Variants in TDRD5 observed in about 807,000 individuals in gnomAD.
The protein encoded by TDRD5 is tudor domain-containing protein 5.
Under a neutral mutation model 120.6 loss-of-function variants are expected in TDRD5, and 41 were observed. The ratio of observed to expected loss-of-function variants is 0.34; its 90% CI spans 0.26 to 0.44. TDRD5 has a LOEUF of 0.44. Among genes scored for constraint, TDRD5 ranks in the 20% least tolerant of loss-of-function variants. TDRD5 has a pLI of 1.00. For synonymous variants in TDRD5, 430 were observed against 433.7 expected (o/e 0.99, Z 0.11); for missense variants, 1,006 against 1,221.2 (o/e 0.82, Z 2.63).
chr1:179,668,995 C>T (rs1402664989), intron 16 of TDRD5, among the ~76,000 whole-genome samples, 199 bp from the exon 17 acceptor site: 3 of 151,968 alleles, frequency 2.0e-5, no homozygotes, highest in East Asian at 1.9e-4. Flanking sequence ...CCGCCCGCCT[C>T]GGCCTCCCAA....
At chr1:179,601,955 G>A (rs556845501) in intron 4 of TDRD5, among the ~76,000 whole-genome samples, 3 of 152,286 alleles carry the variant, frequency 2.0e-5, no homozygotes, top group South Asian at 2.1e-4. Flanking sequence ...ACAGGCACAC[G>A]CCATCACGCC....
At chr1:179,657,800 A>G (rs546324406) in intron 14 of TDRD5, among the ~76,000 whole-genome samples, 8 of 152,200 alleles carry the variant, frequency 5.3e-5, no homozygotes, top group Non-Finnish European at 1.0e-4. Flanking sequence ...TGTAGCATGT[A>G]TAAGTCAAGC....
chr1:179,631,117 T>C (rs1677419965), intron 7 of TDRD5, among the ~76,000 whole-genome samples, 197 bp downstream of exon 7: 1 of 152,072 alleles, frequency 6.6e-6, no homozygotes, highest in African/African-American at 2.4e-5. Context: ...TTGGGCCGGG[T>C]GCAGTGGCTC....
At chr1:179,687,100 G>C (rs555604262) in intron 17 of TDRD5, among the ~76,000 whole-genome samples, 1 of 152,046 alleles carries the variant, frequency 6.6e-6, no homozygotes, top group Non-Finnish European at 1.5e-5. Context: ...GAATGTGTTT[G>C]CTCTTGCTTC....
intron 14 of TDRD5, among the ~76,000 whole-genome samples, chr1:179,654,761 C>T (rs1678907980): frequency 6.6e-6 from 1 of 152,004 alleles, no homozygotes; most frequent in Admixed American, 6.6e-5. Flanking sequence ...GAGTGAGACT[C>T]TGTCTCAAAA....
intron 4 of TDRD5, among the ~76,000 whole-genome samples, chr1:179,603,690 A>G (rs1416873447): frequency 6.6e-6 from 1 of 152,164 alleles, no homozygotes; most frequent in African/African-American, 2.4e-5. Context: ...ATTGACTTGC[A>G]TATGTTAAAC....
intron 4 of TDRD5, among the ~76,000 whole-genome samples, chr1:179,601,112 A>C (rs941894704): frequency 8.9e-5 from 13 of 145,312 alleles, no homozygotes; most frequent in Admixed American, 8.6e-4. Flanking sequence ...ATGTCAATTA[A>C]GTCAGTTATG....
chr1:179,675,481 G>T (rs563154688), intron 17 of TDRD5, among the ~76,000 whole-genome samples: 13 of 150,230 alleles, frequency 8.7e-5, no homozygotes, highest in African/African-American at 2.9e-4. Flanking sequence ...GGGTTTCACC[G>T]TGTTAGCCAG....
chr1:179,650,288 C>T (rs1678639248), intron 11 of TDRD5, among the ~76,000 whole-genome samples: 1 of 151,420 alleles, frequency 6.6e-6, no homozygotes, highest in African/African-American at 2.4e-5. Context: ...GTAATCCCAG[C>T]TACTCAGGAG....
rs117033987 is a variant in TDRD5 at position 179,676,531 on chromosome 1, C to T, written c.2860+7127C>T. Among the ~76,000 whole-genome samples, 5 of 152,178 alleles carry T rather than the reference C, an allele frequency of 3.3e-5. No individual in the cohort carries two copies. In the East Asian group the frequency reaches 9.6e-4, roughly 29 times the overall value. ...AAGATTTAGTGCTCCTTTAGCAGTT[C>T]CTGTGCTGTCTTGGTAGTGGCGAAG... On this transcript the variant is annotated intron_variant, in intron 17 of 17. Transcript: ENST00000444136.
chr1:179,630,482 A>G (rs1182159337), intron 6 of TDRD5, among the ~76,000 whole-genome samples: 1 of 152,198 alleles, frequency 6.6e-6, no homozygotes, highest in Admixed American at 6.5e-5. Flanking sequence ...CTTTTGCTTT[A>G]TATTCAGACA....
chr1:179,625,209 T>G (rs1677059718), intron 6 of TDRD5, among the ~76,000 whole-genome samples: 1 of 149,592 alleles, frequency 6.7e-6, no homozygotes, highest in Non-Finnish European at 1.5e-5. Flanking sequence ...TAGACCTAAA[T>G]GAAAAAATTA....
At chr1:179,653,752 A>G (rs1350858752) in intron 13 of TDRD5, among the ~76,000 whole-genome samples, 2 of 152,020 alleles carry the variant, frequency 1.3e-5, no homozygotes, top group African/African-American at 2.4e-5. Context: ...TAAGACTCCC[A>G]TATGCTACAC....
At chr1:179,645,037 A>G (rs1678264759) in intron 11 of TDRD5, among the ~76,000 whole-genome samples, 1 of 139,916 alleles carries the variant, frequency 7.1e-6, no homozygotes, top group South Asian at 2.3e-4. Context: ...TGTTTGATTC[A>G]TGGATTATTT....
chr1:179,675,711 A>G (rs1258039801), intron 17 of TDRD5, among the ~76,000 whole-genome samples: 2 of 152,112 alleles, frequency 1.3e-5, no homozygotes, highest in African/African-American at 4.8e-5. Context: ...ATTTTATTCT[A>G]CTATGGTCTG....
intron 4 of TDRD5, among the ~76,000 whole-genome samples, chr1:179,596,992 A>G (rs1211370976): frequency 1.3e-5 from 2 of 152,282 alleles, no homozygotes; most frequent in African/African-American, 4.8e-5. Context: ...AATATTAGCC[A>G]TTTGAGTGGG....
At chr1:179,670,399 A>G (rs921169606) in intron 17 of TDRD5, among the ~76,000 whole-genome samples, 4 of 152,088 alleles carry the variant, frequency 2.6e-5, no homozygotes, top group African/African-American at 9.7e-5. Flanking sequence ...CTCAAAAAAA[A>G]AAAAAAAATT....
Position 179,691,045 on chromosome 1 carries a change from C to T in TDRD5, c.*102C>T. 7.0e-7 allele frequency: 1 copy of T among 1,421,662 alleles called. No homozygotes were observed. The highest frequency in any genetic ancestry group is 9.3e-7 in the Non-Finnish European group (1 of 1,076,598). 88.1% of individuals were successfully genotyped at this position (1,421,662 alleles called of 1,614,324 possible). A position where few individuals can be genotyped will look rare whatever the true frequency, so the allele number is the denominator to read the frequency against. ...TATTGAAGCAAAATAGTATCTTGAT[C>T]ATTGATACTTTTGTCTTTCTGTGAC... On this transcript the variant is annotated 3_prime_UTR_variant, in exon 18 of 18. Coordinates refer to ENST00000444136, the MANE Select transcript of TDRD5 (RefSeq NM_001199085.3).
rs535680996 is a variant in TDRD5, at chr1:179,690,072, G to T, written c.2861-624G>T. ...CTGCCCCCACTGTCCTGCACCCACT[G>T]TCCAACAAGCCCCAGTGAGATGAAC... On this transcript the variant is annotated intron_variant, in intron 17 of 17. Transcript: ENST00000444136. Among the ~76,000 whole-genome samples, 26 of 152,284 alleles carry T rather than the reference G, an allele frequency of 1.7e-4. No individual in the cohort carries two copies. In the South Asian group the frequency reaches 5.4e-3, roughly 32 times the overall value.
Sources: gnomAD v4.1 joint callset for allele counts (sites outside exome capture counted in the v4.1 genomes callset) on GRCh38, gnomAD v4.1.1 for gene constraint, MANE v1.5 for transcripts, NCBI Gene and HGNC (gene_info 2026-07-23, HGNC 2026-07-21) for gene names.